The following DCC variants were observed in gnomAD, a reference collection of about 807,000 sequenced individuals.
The protein encoded by DCC is netrin receptor DCC.
In DCC, 58 loss-of-function variants were observed where a neutral mutation model predicts 172.5. The ratio of observed to expected loss-of-function variants is 0.34; its 90% CI spans 0.27 to 0.42. The LOEUF is 0.42. Among genes scored for constraint, DCC ranks in the 10% least tolerant of loss-of-function variants. The pLI is 1.00. For missense variants in DCC, 1,740 were observed against 1,791.0 expected (o/e 0.97, Z 0.51); for synonymous variants, 709 against 644.5 (o/e 1.10, Z -1.52).
intron 1 of DCC, among the ~76,000 whole-genome samples, chr18:52,488,451 A>G (rs564185545): frequency 2.0e-5 from 3 of 152,136 alleles, no homozygotes; most frequent in African/African-American, 2.4e-5. Flanking sequence ...GTAGGACTGT[A>G]TGATGAGGAA....
intron 1 of DCC, among the ~76,000 whole-genome samples, chr18:52,620,671 G>A (rs568280455): frequency 6.2e-4 from 90 of 145,898 alleles, no homozygotes; most frequent in African/African-American, 2.1e-3. Flanking sequence ...GTAAATTGGA[G>A]TCATATTCAG....
intron 12 of DCC, among the ~76,000 whole-genome samples, chr18:53,234,626 G>A (rs936767009): frequency 6.6e-6 from 1 of 151,928 alleles, no homozygotes; most frequent in African/African-American, 2.4e-5. Context: ...AATCACCCAA[G>A]CCCCTCATTT....
chr18:53,196,740 T>A (rs2055448910), intron 9 of DCC, among the ~76,000 whole-genome samples: 1 of 152,130 alleles, frequency 6.6e-6, no homozygotes, highest in Non-Finnish European at 1.5e-5. Flanking sequence ...TATACACACA[T>A]ACGTAATGGC....
intron 15 of DCC, among the ~76,000 whole-genome samples, chr18:53,357,715 A>G (rs2057892681): frequency 1.3e-5 from 2 of 152,186 alleles, no homozygotes; most frequent in Admixed American, 6.5e-5. Context: ...TGGTAAATGA[A>G]ATTAGAAAGG....
intron 10 of DCC, among the ~76,000 whole-genome samples, 176 bp downstream of exon 10, chr18:53,205,540 A>G (rs1038749791): frequency 6.6e-6 from 1 of 152,186 alleles, no homozygotes; most frequent in African/African-American, 2.4e-5. Flanking sequence ...ACTTTACACA[A>G]TTTAATTAAA....
intron 5 of DCC, among the ~76,000 whole-genome samples, chr18:53,047,223 C>G (rs1341488512): frequency 2.8e-5 from 2 of 71,482 alleles, no homozygotes; most frequent in African/African-American, 5.4e-5. Context: ...GGTGAGCCAT[C>G]CCTGCAGGTA....
At chr18:52,949,704 T>C (rs1217032998) in intron 5 of DCC, among the ~76,000 whole-genome samples, 1 of 152,204 alleles carries the variant, frequency 6.6e-6, no homozygotes, top group Admixed American at 6.5e-5. Context: ...TCAGCTCTCT[T>C]GAACCTGCAG....
At chr18:52,801,853 T>G (rs2037993576) in intron 2 of DCC, among the ~76,000 whole-genome samples, 1 of 152,172 alleles carries the variant, frequency 6.6e-6, no homozygotes. Context: ...ATAAAGAATA[T>G]AAAACATGCA....
chr18:53,519,571 A>T (rs540474417), intron 27 of DCC, among the ~76,000 whole-genome samples: 4 of 150,442 alleles, frequency 2.7e-5, no homozygotes, highest in South Asian at 4.2e-4. Context: ...ATCACTTTTC[A>T]TATTTGGGAG....
chr18:52,448,944 T>G (rs987991385), intron 1 of DCC, among the ~76,000 whole-genome samples: 1 of 152,222 alleles, frequency 6.6e-6, no homozygotes, highest in African/African-American at 2.4e-5. Context: ...CTTAGAGCTT[T>G]TATTAGTTCA....
intron 25 of DCC, among the ~76,000 whole-genome samples, chr18:53,475,001 G>T (rs560650681): frequency 6.6e-6 from 1 of 152,316 alleles, no homozygotes; most frequent in South Asian, 2.1e-4. Context: ...GGGAACTGGA[G>T]CAAAGGTGAC....
intron 7 of DCC, among the ~76,000 whole-genome samples, chr18:53,144,964 T>A (rs1438251180): frequency 2.6e-5 from 4 of 152,110 alleles, no homozygotes; most frequent in Non-Finnish European, 5.9e-5. Flanking sequence ...TCTTTTTCTG[T>A]ATTATGCTAT....
At chr18:52,870,341 C>T (rs1029590599) in intron 2 of DCC, among the ~76,000 whole-genome samples, 4 of 152,154 alleles carry the variant, frequency 2.6e-5, no homozygotes, top group African/African-American at 9.7e-5. Context: ...ATTTCTGCTC[C>T]TGCAGCTGCT....
chr18:52,853,775 G>A (rs2039011688), intron 2 of DCC, among the ~76,000 whole-genome samples: 1 of 152,210 alleles, frequency 6.6e-6, no homozygotes, highest in South Asian at 2.1e-4. Flanking sequence ...TGAGCAGATA[G>A]GGTAGAGATA....
At chr18:52,622,259 C>T (rs2034494040) in intron 1 of DCC, among the ~76,000 whole-genome samples, 1 of 152,152 alleles carries the variant, frequency 6.6e-6, no homozygotes, top group Admixed American at 6.5e-5. Flanking sequence ...ATGGAGTTAT[C>T]CTATTTGAAC....
chr18:52,704,790 A>T (rs2036178336), intron 1 of DCC, among the ~76,000 whole-genome samples: 1 of 152,114 alleles, frequency 6.6e-6, no homozygotes, highest in Non-Finnish European at 1.5e-5. Context: ...GGTTTAACTG[A>T]TGCCTTTTCA....
intron 1 of DCC, among the ~76,000 whole-genome samples, chr18:52,426,692 G>A (rs1001870977): frequency 6.6e-6 from 1 of 152,022 alleles, no homozygotes; most frequent in Non-Finnish European, 1.5e-5. Flanking sequence ...CTTTGTAGAG[G>A]ATACCTTGTT....
At chr18:53,205,398 TG>T in intron 10 of DCC, 34 bp downstream of exon 10, 1 of 1,608,724 alleles carries the variant, frequency 6.2e-7, no homozygotes, top group Non-Finnish European at 8.5e-7. Flanking sequence ...TGCTTCCATC[TG>T]TTGGATGTTT....
intron 27 of DCC, among the ~76,000 whole-genome samples, chr18:53,507,892 C>CT (rs780896758): frequency 0.016 from 2,085 of 130,944 alleles, 41 homozygotes; most frequent in African/African-American, 0.03. Flanking sequence ...ACAGATACCA[C>CT]TTTTTTTTTT....
Sources: gnomAD v4.1 joint callset for allele counts (sites outside exome capture counted in the v4.1 genomes callset) on GRCh38, gnomAD v4.1.1 for gene constraint, MANE v1.5 for transcripts, NCBI Gene and HGNC (gene_info 2026-07-23, HGNC 2026-07-21) for gene names.